The following PITPNM3 variants were observed in gnomAD, a reference collection of about 807,000 sequenced individuals.
PITPNM3 encodes PITPNM family member 3.
A neutral mutation model predicts 102.0 loss-of-function variants in PITPNM3; 26 were observed. The observed-to-expected ratio is 0.25, with a 90% CI of 0.19 to 0.35. PITPNM3 has a LOEUF of 0.35. PITPNM3 is among the 10% of genes least tolerant of loss of function. The pLI is 1.00. For missense variants in PITPNM3, 1,083 were observed against 1,346.1 expected (o/e 0.80, Z 3.06); for synonymous variants, 578 against 558.6 (o/e 1.03, Z -0.49).
intron 4 of PITPNM3, among the ~76,000 whole-genome samples, chr17:6,495,487 C>T (rs913605312): frequency 6.6e-6 from 1 of 152,120 alleles, no homozygotes; most frequent in Non-Finnish European, 1.5e-5. Context: ...TATACGGGTC[C>T]CTTCGCAACT....
Position 6,496,342 on chromosome 17 carries a change from C to T in PITPNM3, c.274+7185G>A, listed in dbSNP as rs114516342. ...CTGACCAAGCCCCCGCCTTCTGCTC[C>T]GCTCTCCCACACTCGCCCCTCCCTC... On this transcript the variant is annotated intron_variant, in intron 4 of 19. Transcript: ENST00000262483. 8.2e-3 allele frequency among the ~76,000 whole-genome samples: 1,245 copies of T among 152,208 alleles called. 10 individuals are homozygous for T. Among genetic ancestry groups the T allele is most frequent in the African/African-American group, 0.029 (1,199 of 41,500 alleles).
Position 6,470,399 on chromosome 17 carries a change from T to C in PITPNM3, c.1634A>G (p.Lys545Arg). 1 of 1,614,114 alleles carries C rather than the reference T, an allele frequency of 6.2e-7. No individual in the cohort carries two copies. Reference sequence around the variant, plus strand: ...GTCGATCCTCTTGCTTCCCCACCACTTGGCTGTGACTGTGGGTCGGAGAGG... The same window carrying C: ...GTCGATCCTCTTGCTTCCCCACCACCTGGCTGTGACTGTGGGTCGGAGAGG... ...APVGASRITA[K>R]WWGSKRIDYA... The change falls in exon 13 of 20, where the codon AAG (lysine) becomes AGG (arginine). Residue 545 changes from lysine (K) to arginine (R), a missense_variant. Physicochemically the swap from Lys to Arg is conservative, Grantham distance 26. Around this residue, in one of 5 missense-constraint regions of PITPNM3, gnomAD observed 410 missense variants for 638.4 expected, o/e 0.64. Coordinates refer to ENST00000262483, the MANE Select transcript of PITPNM3 (RefSeq NM_031220.4). This position sits in a 1 kb window ranked among gnomAD's most constrained non-coding sequence, Gnocchi z 4.8.
intron 2 of PITPNM3, among the ~76,000 whole-genome samples, chr17:6,531,840 C>T (rs1427208309): frequency 3.3e-5 from 5 of 152,154 alleles, no homozygotes; most frequent in African/African-American, 9.7e-5. Flanking sequence ...CAGTGGCTCA[C>T]GCCTGTCATC....
chr17:6,472,816 G>T lies in PITPNM3; in HGVS notation c.1270C>A (p.Arg424Ser), dbSNP rs1174190065. The T allele has an allele frequency of 1.1e-5, 17 of 1,614,048 alleles. No homozygotes were observed. The highest frequency in any genetic ancestry group is 1.4e-5 in the Non-Finnish European group (16 of 1,179,974). Residue 424 changes from arginine to serine, a missense_variant, in exon 11 of 20, where the codon CGT becomes AGT. Transcript: ENST00000262483. The surrounding 1 kb of genome is among the most constrained non-coding windows in gnomAD (Gnocchi z 4.1). ...CTGTAGACCTGGCTGCAGGCAGGAC[G>T]CACCTGGAAGCCTGGGGTGAGTGGG... ...VLPGLDGFQV[R>S]PACSQVYSFF...
At position 6,504,403 on chromosome 17, in the gene PITPNM3, T is replaced by A. The variant is rs151053754; in HGVS notation, c.227-829A>T. 2.1e-4 allele frequency among the ~76,000 whole-genome samples: 32 copies of A among 152,272 alleles called. No homozygotes were observed. The East Asian group carries it at 6.0e-3, about 29-fold the overall frequency. On this transcript the variant is annotated intron_variant, in intron 3 of 19. Transcript: ENST00000262483. ...GTTCATCAGAATGAACTTCTCCAGG[T>A]GTTCTCCAGATGGATTCATTAGAAT... is the stretch of plus-strand genomic sequence containing the variant.
intron 10 of PITPNM3, among the ~76,000 whole-genome samples, chr17:6,474,050 G>A (rs372750110): frequency 4.6e-5 from 7 of 152,058 alleles, no homozygotes; most frequent in East Asian, 1.9e-4. Flanking sequence ...GGGGATATGC[G>A]GGGGTGGGTG....
chr17:6,498,481 C>T (rs1906974242), intron 4 of PITPNM3, among the ~76,000 whole-genome samples: 1 of 152,186 alleles, frequency 6.6e-6, no homozygotes, highest in Non-Finnish European at 1.5e-5. Context: ...CTTTCCTCCT[C>T]CAAAGGTCTC....
At chr17:6,520,278 G>GT (rs1908433440) in intron 3 of PITPNM3, among the ~76,000 whole-genome samples, 1 of 152,156 alleles carries the variant, frequency 6.6e-6, no homozygotes, top group Admixed American at 6.5e-5. Flanking sequence ...AATTTGCACT[G>GT]TTTTTTGGAA....
chr17:6,491,004 G>A (rs1357752740), intron 4 of PITPNM3, among the ~76,000 whole-genome samples: 2 of 90,638 alleles, frequency 2.2e-5, no homozygotes, highest in Admixed American at 1.1e-4. Flanking sequence ...GGGAGGGGAG[G>A]GAAGGGGAGG....
In PITPNM3 at chr17:6,463,611, G is replaced by T. The variant is rs900287354; in HGVS notation, c.2306+121C>A. 7 of 1,390,998 alleles carry T rather than the reference G, an allele frequency of 5.0e-6. No individual in the cohort carries two copies. In the African/African-American group the frequency reaches 1.0e-4, roughly 20 times the overall value. 86.2% of individuals were successfully genotyped at this position (1,390,998 alleles called of 1,614,324 possible). On this transcript the variant is annotated intron_variant, in intron 17 of 19. Transcript: ENST00000262483. Reference sequence around the variant, plus strand: ...TTGGAGGTAAAGCCAGGGCTTCTCAGCTCGCAGCCCCAGAGACCGGTAGAA... The same window carrying T: ...TTGGAGGTAAAGCCAGGGCTTCTCATCTCGCAGCCCCAGAGACCGGTAGAA...
intron 4 of PITPNM3, among the ~76,000 whole-genome samples, chr17:6,500,228 G>A (rs1344388147): frequency 2.6e-5 from 4 of 152,048 alleles, no homozygotes; most frequent in Admixed American, 6.6e-5. Flanking sequence ...TTACCACCTC[G>A]CAATTTGTTT....
Position 6,457,777 on chromosome 17 carries a change from G to A in PITPNM3, c.2491-55C>T. The A allele has an allele frequency of 1.3e-6, 2 of 1,549,500 alleles. No homozygotes were observed. The highest frequency in any genetic ancestry group is 2.4e-5 in the South Asian group (2 of 83,952). On this transcript the variant is annotated intron_variant, in intron 18 of 19. Transcript: ENST00000262483. This position sits in a 1 kb window ranked among gnomAD's most constrained non-coding sequence, Gnocchi z 4.7. ...GTGAGGCCAGCCCACCCCCTGGAAA[G>A]CCTTCCCAGGCCAACCCCAGGGGGC...
intron 1 of PITPNM3, among the ~76,000 whole-genome samples, chr17:6,543,429 C>T (rs184170350): frequency 2.4e-4 from 37 of 152,364 alleles, no homozygotes; most frequent in Non-Finnish European, 3.1e-4. Flanking sequence ...CCAAGGCAGC[C>T]CCAGCCCCAG....
chr17:6,473,939 T>C (rs1905176516), intron 10 of PITPNM3, among the ~76,000 whole-genome samples: 2 of 138,388 alleles, frequency 1.4e-5, no homozygotes, highest in African/African-American at 5.6e-5. Context: ...ATCGCGCCAC[T>C]GCACTCCAGC....
intron 2 of PITPNM3, among the ~76,000 whole-genome samples, chr17:6,526,093 C>A (rs1030291864): frequency 2.0e-5 from 3 of 152,326 alleles, no homozygotes; most frequent in Non-Finnish European, 4.4e-5. Flanking sequence ...TTGTATGGAA[C>A]CTTTAGCCCC....
intron 4 of PITPNM3, among the ~76,000 whole-genome samples, chr17:6,486,654 T>G (rs1332220692): frequency 1.3e-5 from 2 of 152,194 alleles, no homozygotes; most frequent in African/African-American, 4.8e-5. Flanking sequence ...GCCCAGCACT[T>G]CCTAGTTCTT....
intron 6 of PITPNM3, chr17:6,481,457 C>T (rs1420624024): frequency 6.6e-6 from 1 of 152,314 alleles, no homozygotes; most frequent in Non-Finnish European, 1.5e-5. Flanking sequence ...AGCACACAGA[C>T]TCTTCACAGC....
At chr17:6,491,145 C>T (rs1307654969) in intron 4 of PITPNM3, among the ~76,000 whole-genome samples, 3 of 146,854 alleles carry the variant, frequency 2.0e-5, no homozygotes, top group Non-Finnish European at 4.5e-5. Flanking sequence ...CAGTGGCTCC[C>T]AGAGCTCTGA....
In PITPNM3 at chr17:6,470,166, C is replaced by G. The variant is rs1904993080; in HGVS notation, c.1773+94G>C. ...CTTAGGATCAAGGCCAAAAGCTGAA[C>G]AGTGTCTGCAAGAATAGCCTCCTCT... is the stretch of plus-strand genomic sequence containing the variant. On this transcript the variant is annotated intron_variant, in intron 13 of 19. Transcript: ENST00000262483. The surrounding 1 kb of genome is among the most constrained non-coding windows in gnomAD (Gnocchi z 4.8). 2.2e-6 allele frequency: 3 copies of G among 1,393,602 alleles called. No individual in the cohort carries two copies. Among genetic ancestry groups the G allele is most frequent in the Non-Finnish European group, 3.0e-6 (3 of 1,015,026 alleles). The allele number at this position is 1,393,602 out of a possible 1,614,324, so 86.3% of individuals were successfully genotyped here.
Sources: gnomAD v4.1 joint callset for allele counts (sites outside exome capture counted in the v4.1 genomes callset) on GRCh38, gnomAD v4.1.1 for gene constraint, gnomAD v4.1.1 regional missense constraint, Gnocchi (gnomAD v3.1) non-coding constraint, MANE v1.5 for transcripts, NCBI Gene and HGNC (gene_info 2026-07-23, HGNC 2026-07-21) for gene names.